The following DNAAF1 variants were observed in gnomAD, a reference collection of about 807,000 sequenced individuals.
DNAAF1 encodes the protein dynein axonemal assembly factor 1.
A neutral mutation model predicts 71.1 loss-of-function variants in DNAAF1; 65 were observed. The observed-to-expected ratio is 0.91, with a 90% confidence interval of 0.75 to 1.12. The LOEUF (loss-of-function observed/expected upper bound fraction) is 1.12. DNAAF1 is among the 50% of genes most tolerant of loss of function. DNAAF1 has a pLI of 0.00. For missense variants in DNAAF1, 1,178 were observed against 899.8 expected, an observed-to-expected ratio of 1.31 and a Z score of -3.96; for synonymous variants, 414 against 354.6, an observed-to-expected ratio of 1.17 and a Z score of -1.88.
At chr16:84,154,046 G>C (rs1400205998) in intron 3 of DNAAF1, among the ~76,000 whole-genome samples, 2 of 152,164 alleles carry the variant, frequency 1.3e-5, no homozygotes, top group Admixed American at 6.5e-5. Flanking sequence ...CTGCCAGAGA[G>C]CCGTTGGGTG....
intron 9 of DNAAF1, chr16:84,172,615 G>C (rs964743750): frequency 1.5e-6 from 2 of 1,347,708 alleles, no homozygotes; most frequent in Non-Finnish European, 1.9e-6. Flanking sequence ...GCTCAAGTTT[G>C]GGGAGCCCTG....
At chr16:84,147,186 T>G (rs989376836) in intron 1 of DNAAF1, among the ~76,000 whole-genome samples, 2 of 152,354 alleles carry the variant, frequency 1.3e-5, no homozygotes, top group South Asian at 2.1e-4. Context: ...AAATGGTAGC[T>G]CTTGTTATTA....
At chr16:84,145,705 T>G (rs542191189) in intron 1 of DNAAF1, 141 bp downstream of exon 1, 7 of 1,147,558 alleles carry the variant, frequency 6.1e-6, no homozygotes, top group Non-Finnish European at 7.2e-6. Flanking sequence ...CGCTCTGCAG[T>G]AGGGGCTTCT....
chr16:84,176,494 A>C, intron 11 of DNAAF1, 195 bp downstream of exon 11: 1 of 850,460 alleles, frequency 1.2e-6, no homozygotes, highest in Non-Finnish European at 1.8e-6. Context: ...GCTGGTAGCC[A>C]GCCTGGGCCA....
At chr16:84,158,317 C>T (rs573298038) in intron 5 of DNAAF1, among the ~76,000 whole-genome samples, 28 of 152,288 alleles carry the variant, frequency 1.8e-4, no homozygotes, top group African/African-American at 6.3e-4. Flanking sequence ...ATCTCCTTGG[C>T]TGGTAGATGG....
chr16:84,173,607 G>A (rs1333559527), intron 9 of DNAAF1: 12 of 866,670 alleles, frequency 1.4e-5, no homozygotes, highest in Non-Finnish European at 1.7e-5. Flanking sequence ...GCCAAGGTGG[G>A]TGGATCACAT....
intron 10 of DNAAF1, chr16:84,174,987 C>T: frequency 4.7e-6 from 2 of 423,214 alleles, no homozygotes; most frequent in Non-Finnish European, 8.9e-6. Flanking sequence ...TCCCAAGTAG[C>T]TGGGATTACA....
intron 5 of DNAAF1, among the ~76,000 whole-genome samples, chr16:84,156,924 C>G (rs900089592): frequency 2.9e-5 from 4 of 138,372 alleles, no homozygotes; most frequent in African/African-American, 1.1e-4. Flanking sequence ...ATAATCATGG[C>G]TCACTGCAGC....
intron 9 of DNAAF1, chr16:84,172,710 T>C (rs1172821554): frequency 5.0e-6 from 6 of 1,190,142 alleles, no homozygotes; most frequent in Non-Finnish European, 6.3e-6. Flanking sequence ...TGGTTCTGAC[T>C]AGTTGCCTTA....
rs759840407 is a variant in DNAAF1, at chr16:84,177,767, G to T, written c.2104G>T (p.Val702Phe). 6.2e-7 allele frequency: 1 copy of T among 1,614,060 alleles called. No individual in the cohort carries two copies. Among genetic ancestry groups the T allele is most frequent in the Non-Finnish European group, 8.5e-7 (1 of 1,180,010 alleles). ...ESAATPPETC[V>F]GVAQPSQALP... Reference sequence around the variant, plus strand: ...CGCCGCCACACCCCCAGAGACGTGTGTCGGAGTTGCCCAGCCCAGCCAAGC... The same window carrying T: ...CGCCGCCACACCCCCAGAGACGTGTTTCGGAGTTGCCCAGCCCAGCCAAGC... The change falls in exon 12 of 12, where the codon GTC (valine) becomes TTC (phenylalanine). Residue 702 changes from valine to phenylalanine, a missense_variant. Transcript: ENST00000378553.
intron 6 of DNAAF1, among the ~76,000 whole-genome samples, chr16:84,164,395 C>T (rs1366332245): frequency 6.6e-6 from 1 of 152,194 alleles, no homozygotes; most frequent in Non-Finnish European, 1.5e-5. Flanking sequence ...TGCCCTAAAA[C>T]CCTCTGTGCT....
intron 9 of DNAAF1, 114 bp downstream of exon 9, chr16:84,172,489 C>T: frequency 6.6e-7 from 1 of 1,524,222 alleles, no homozygotes; most frequent in Non-Finnish European, 8.8e-7. Flanking sequence ...CTTGGGCCGG[C>T]AGGCCTGGCA....
rs886052369 is a variant in DNAAF1, at chr16:84,170,369, G to C, written c.1528+13G>C. 6.2e-7 allele frequency: 1 copy of C among 1,613,562 alleles called. No homozygotes were observed. The highest frequency in any genetic ancestry group is 8.5e-7 in the Non-Finnish European group (1 of 1,180,008). On this transcript the variant is annotated intron_variant, in intron 8 of 11. Transcript: ENST00000378553. ...GCTGCCAGGGAAGGTAATGTGAGCG[G>C]AGAAACACACACAGACACACACACC...
chr16:84,175,882 G>A lies in DNAAF1; in HGVS notation c.1699-51G>A, dbSNP rs150484385. 5.3e-4 allele frequency: 858 copies of A among 1,604,500 alleles called. 1 individual carries two copies. The highest frequency in any genetic ancestry group is 2.1e-3 in the South Asian group (194 of 90,760). On this transcript the variant is annotated intron_variant, in intron 10 of 11. Coordinates refer to ENST00000378553, the MANE Select transcript of DNAAF1 (RefSeq NM_178452.6). ...GAACTGGCATGGTGCATTGTAGAGC[G>A]ATTCTGTTGTGAAAACAGAAACTTT... is the stretch of plus-strand genomic sequence containing the variant.
chr16:84,164,622 A>T, intron 6 of DNAAF1, among the ~76,000 whole-genome samples: 1 of 152,156 alleles, frequency 6.6e-6, no homozygotes, highest in South Asian at 2.1e-4. Context: ...GCTGAGTGAT[A>T]TTCCTCCGTC....
At chr16:84,167,636 G>A (rs776366921) in intron 7 of DNAAF1, among the ~76,000 whole-genome samples, 7 of 152,212 alleles carry the variant, frequency 4.6e-5, no homozygotes, top group Non-Finnish European at 1.0e-4. Context: ...ATGTACAGGG[G>A]TTTTAGGAGC....
Position 84,159,671 on chromosome 16 carries a change from G to T in DNAAF1, c.742-4G>T. Reference sequence around the variant, plus strand: ...TCATTTTGGTTCTGCTTGTCTTCTTGCAGCGTGTACTGAATTTGATGGGAA... The same window carrying T: ...TCATTTTGGTTCTGCTTGTCTTCTTTCAGCGTGTACTGAATTTGATGGGAA... On this transcript the variant is annotated splice_polypyrimidine_tract_variant and splice_region_variant and intron_variant, in intron 5 of 11. Coordinates refer to ENST00000378553, the MANE Select transcript of DNAAF1 (RefSeq NM_178452.6). 2 of 1,609,590 alleles carry T rather than the reference G, an allele frequency of 1.2e-6. No homozygotes were observed. The highest frequency in any genetic ancestry group is 1.7e-6 in the Non-Finnish European group (2 of 1,177,406).
At chr16:84,171,734 G>A (rs1332646081) in intron 8 of DNAAF1, among the ~76,000 whole-genome samples, 1 of 152,114 alleles carries the variant, frequency 6.6e-6, no homozygotes, top group Admixed American at 6.5e-5. Flanking sequence ...TTGACTCCTG[G>A]CCGGTGCTCT....
At chr16:84,161,001 G>A (rs1269570074) in intron 6 of DNAAF1, among the ~76,000 whole-genome samples, 1 of 151,954 alleles carries the variant, frequency 6.6e-6, no homozygotes, top group Non-Finnish European at 1.5e-5. Flanking sequence ...AATTGACGCA[G>A]CTCCCTGGGC....
Sources: allele counts gnomAD v4.1 joint callset (sites outside exome capture counted in the v4.1 genomes callset), GRCh38; gene constraint gnomAD v4.1.1; transcripts MANE v1.5; gene names NCBI Gene and HGNC (gene_info 2026-07-23, HGNC 2026-07-21).